Variants in CSMD1 observed in about 807,000 individuals in gnomAD.
The protein encoded by CSMD1 is CUB and Sushi multiple domains 1, also known as CUB and sushi domain-containing protein 1.
In CSMD1, 213 loss-of-function variants were observed where a neutral mutation model predicts 417.5. The observed-to-expected ratio is 0.51, with a 90% CI of 0.46 to 0.57. The LOEUF is 0.57. Ranked by LOEUF, CSMD1 falls within the 20% of genes least tolerant of loss-of-function variation. The pLI is 0.00. For missense variants in CSMD1, 6,923 were observed against 4,529.7 expected (o/e 1.53, Z -15.17); for synonymous variants, 2,862 against 1,736.8 (o/e 1.65, Z -16.11).
chr8:3,668,661 G>C (rs1040830645), intron 7 of CSMD1, among the ~76,000 whole-genome samples: 13 of 152,236 alleles, frequency 8.5e-5, no homozygotes, highest in Admixed American at 5.9e-4. Flanking sequence ...TAGAAGCTCA[G>C]TCTGAGGTGT....
At chr8:3,800,907 GAAATAAACC>G in intron 5 of CSMD1, among the ~76,000 whole-genome samples, 1 of 152,002 alleles carries the variant, frequency 6.6e-6, no homozygotes, top group Non-Finnish European at 1.5e-5. Flanking sequence ...AACCATGAGT[GAAATAAACC>G]TCTTTCTTTA....
intron 5 of CSMD1, among the ~76,000 whole-genome samples, chr8:3,973,707 T>C (rs1813229809): frequency 6.6e-6 from 1 of 152,214 alleles, no homozygotes; most frequent in African/African-American, 2.4e-5. Context: ...GCAAGACCTT[T>C]ATCACTTTGC....
At chr8:4,940,698 C>T (rs1299335224) in intron 1 of CSMD1, among the ~76,000 whole-genome samples, 2 of 152,172 alleles carry the variant, frequency 1.3e-5, no homozygotes, top group African/African-American at 2.4e-5. Context: ...ATCAAATCAA[C>T]CAATTAAAAT....
intron 12 of CSMD1, among the ~76,000 whole-genome samples, chr8:3,462,190 G>C (rs1816547544): frequency 6.6e-6 from 1 of 152,046 alleles, no homozygotes; most frequent in Admixed American, 6.5e-5. Flanking sequence ...ATCCCAAGCA[G>C]TGTTCTGGTC....
intron 1 of CSMD1, among the ~76,000 whole-genome samples, chr8:4,891,264 C>A (rs1804104901): frequency 6.6e-6 from 1 of 152,032 alleles, no homozygotes; most frequent in African/African-American, 2.4e-5. Flanking sequence ...ATCTCTACAT[C>A]CTTAGGTAAA....
intron 1 of CSMD1, among the ~76,000 whole-genome samples, chr8:4,697,994 T>G (rs921887192): frequency 6.6e-6 from 1 of 152,172 alleles, no homozygotes; most frequent in Non-Finnish European, 1.5e-5. Context: ...CATCTAGATC[T>G]TACATCGAAC....
At chr8:4,481,303 T>G (rs953366554) in intron 2 of CSMD1, among the ~76,000 whole-genome samples, 1 of 152,264 alleles carries the variant, frequency 6.6e-6, no homozygotes, top group African/African-American at 2.4e-5. Flanking sequence ...GACCCTTATC[T>G]TTCCCATTTT....
Position 3,108,755 on chromosome 8 carries a change from A to G in CSMD1, c.6609-7T>C. 6.2e-7 allele frequency: 1 copy of G among 1,603,802 alleles called. No homozygotes were observed. The highest frequency in any genetic ancestry group is 8.5e-7 in the Non-Finnish European group (1 of 1,174,256). ...GTTCTGATCGGGACCGTCCCTAGGA[A>G]AGACAGAAAGAGGTGGCTGGCTAAG... On this transcript the variant is annotated splice_region_variant and splice_polypyrimidine_tract_variant and intron_variant, in intron 43 of 69. Transcript: ENST00000635120.
At position 4,239,676 on chromosome 8, in the gene CSMD1, G is replaced by C. The variant is rs1802277720; in HGVS notation, c.415+180277C>G. Among the ~76,000 whole-genome samples, 6 of 152,156 alleles carry C rather than the reference G, an allele frequency of 3.9e-5. No individual in the cohort carries two copies. The South Asian group carries it at 1.2e-3, about 32-fold the overall frequency. ...GGGTCACAGAGCATTGCATTATGTT[G>C]GGTGGCAGAACATCGCATTATGTTG... On this transcript the variant is annotated intron_variant, in intron 3 of 69. Transcript: ENST00000635120.
At chr8:3,347,247 A>G (rs1287179094) in intron 22 of CSMD1, among the ~76,000 whole-genome samples, 1 of 152,198 alleles carries the variant, frequency 6.6e-6, no homozygotes, top group Non-Finnish European at 1.5e-5. Flanking sequence ...CAGTGCCTTG[A>G]GGCTAGGTTG....
chr8:3,450,595 G>A (rs887877898), intron 12 of CSMD1, among the ~76,000 whole-genome samples: 1 of 150,798 alleles, frequency 6.6e-6, no homozygotes, highest in African/African-American at 2.4e-5. Context: ...ATAGTTTCCT[G>A]AGAATCATGG....
chr8:3,692,083 A>G (rs1022921887), intron 7 of CSMD1, among the ~76,000 whole-genome samples: 4 of 152,140 alleles, frequency 2.6e-5, no homozygotes, highest in African/African-American at 9.7e-5. Context: ...CAACTTCGCA[A>G]TCATCCTCTG....
chr8:4,112,497 C>T (rs570016033), intron 3 of CSMD1, among the ~76,000 whole-genome samples: 1 of 152,196 alleles, frequency 6.6e-6, no homozygotes, highest in African/African-American at 2.4e-5. Context: ...AGTGACCCAT[C>T]CTGAATACAG....
chr8:3,219,415 G>A lies in CSMD1; in HGVS notation c.4512C>T (p.Phe1504=), dbSNP rs775923161. Residue 1504 remains phenylalanine, a synonymous_variant, in exon 29 of 70, where the codon TTC becomes TTT. Coordinates refer to ENST00000635120, the MANE Select transcript of CSMD1 (RefSeq NM_033225.6). ...AATCTTCCCCTTCATAGATGTGTAG[G>A]AAGTCATAGCTGGGCTCCATGTTGA... ...KSFNMEPSYD[F]LHIYEGEDSN... 2.0e-6 allele frequency: 3 copies of A among 1,535,292 alleles called. No homozygotes were observed. The highest frequency in any genetic ancestry group is 4.8e-5 in the East Asian group (2 of 41,748).
intron 1 of CSMD1, among the ~76,000 whole-genome samples, chr8:4,919,969 C>A (rs950292043): frequency 6.6e-6 from 1 of 152,176 alleles, no homozygotes; most frequent in African/African-American, 2.4e-5. Context: ...TCTTGGACTT[C>A]CCAGCCTCCA....
chr8:3,004,046 G>C (rs1480896242), intron 52 of CSMD1, among the ~76,000 whole-genome samples: 1 of 152,108 alleles, frequency 6.6e-6, no homozygotes, highest in East Asian at 1.9e-4. Context: ...CACTGAGTAT[G>C]CACAGTAGCA....
intron 3 of CSMD1, among the ~76,000 whole-genome samples, chr8:4,187,966 T>G (rs1346685730): frequency 6.6e-6 from 1 of 152,066 alleles, no homozygotes; most frequent in Non-Finnish European, 1.5e-5. Context: ...CTACCATGGG[T>G]ATTTTTAATT....
chr8:3,218,519 C>T (rs1798012811), intron 29 of CSMD1, among the ~76,000 whole-genome samples: 1 of 147,994 alleles, frequency 6.8e-6, no homozygotes, highest in Non-Finnish European at 1.5e-5. Context: ...TGAGATCACA[C>T]TGCAGCACTC....
intron 5 of CSMD1, among the ~76,000 whole-genome samples, chr8:3,893,228 A>T (rs1339429318): frequency 1.3e-5 from 2 of 150,838 alleles, no homozygotes; most frequent in Non-Finnish European, 3.0e-5. Context: ...CTCTTAAAAC[A>T]CATTTTTTCT....
Sources: gnomAD v4.1 joint callset for allele counts (sites outside exome capture counted in the v4.1 genomes callset) on GRCh38, gnomAD v4.1.1 for gene constraint, MANE v1.5 for transcripts, NCBI Gene and HGNC (gene_info 2026-07-23, HGNC 2026-07-21) for gene names.